Variants in MTCL1 observed in about 807,000 individuals in gnomAD.
The protein encoded by MTCL1 is microtubule cross-linking factor 1.
MTCL1 carries 79 observed loss-of-function variants against 141.4 expected under a neutral mutation model. The ratio of observed to expected loss-of-function variants is 0.56; its 90% CI spans 0.47 to 0.67. The LOEUF is 0.67. Among genes scored for constraint, MTCL1 ranks in the 30% least tolerant of loss-of-function variants. The pLI is 0.00. For missense variants in MTCL1, 2,177 were observed against 2,113.9 expected, an observed-to-expected ratio of 1.03 and a Z score of -0.59; for synonymous variants, 914 against 875.8, an observed-to-expected ratio of 1.04 and a Z score of -0.77.
intron 1 of MTCL1, chr18:8,707,333 C>G (rs1225067086): frequency 6.6e-6 from 1 of 152,348 alleles, no homozygotes; most frequent in African/African-American, 2.4e-5. Context: ...CGGTGTTGCG[C>G]GGGCCAGTCC....
chr18:8,771,463 A>C (rs1342319413), intron 4 of MTCL1, among the ~76,000 whole-genome samples: 1 of 152,208 alleles, frequency 6.6e-6, no homozygotes, highest in South Asian at 2.1e-4. Context: ...ATCAGTCTGC[A>C]TCTACATCCT....
rs548462194 is a variant in MTCL1 at position 8,777,456 on chromosome 18, TC to T, written c.358-375del. Among the ~76,000 whole-genome samples the T allele has an allele frequency of 1.7e-3, 256 of 152,310 alleles. 1 individual carries two copies. Among genetic ancestry groups the T allele is most frequent in the Admixed American group, 2.9e-3 (44 of 15,302 alleles). On this transcript the variant is annotated intron_variant, in intron 4 of 16. Coordinates refer to ENST00000359865, the Ensembl canonical transcript of MTCL1. Reference sequence around the variant, plus strand: ...AACATGATTTGGAACGTGAACCAGCTCCAGAAATATGAGTTATCTGTTTCCC... The same window carrying T: ...AACATGATTTGGAACGTGAACCAGCTCAGAAATATGAGTTATCTGTTTCCC...
chr18:8,799,159 T>C (rs2143942475), intron 10 of MTCL1, among the ~76,000 whole-genome samples: 1 of 152,318 alleles, frequency 6.6e-6, no homozygotes, highest in Non-Finnish European at 1.5e-5. Context: ...ACAGACACTC[T>C]GGGGCACTCC....
intron 12 of MTCL1, among the ~76,000 whole-genome samples, chr18:8,814,362 A>G (rs2076583842): frequency 6.6e-6 from 1 of 152,180 alleles, no homozygotes; most frequent in Non-Finnish European, 1.5e-5. Flanking sequence ...AAAGAAGGAA[A>G]GTACACTGCA....
chr18:8,749,153 T>C (rs570467474), intron 4 of MTCL1, among the ~76,000 whole-genome samples: 2 of 152,350 alleles, frequency 1.3e-5, no homozygotes, highest in East Asian at 1.9e-4. Context: ...TCCTGGGACA[T>C]CCCTTCTTAT....
chr18:8,803,428 G>A (rs2076188711), intron 10 of MTCL1, among the ~76,000 whole-genome samples: 2 of 152,132 alleles, frequency 1.3e-5, no homozygotes, highest in Admixed American at 1.3e-4. Context: ...ACATCCCCTG[G>A]CCATAGGAAG....
chr18:8,730,982 C>T (rs1204081429), intron 4 of MTCL1, among the ~76,000 whole-genome samples: 3 of 152,182 alleles, frequency 2.0e-5, no homozygotes, highest in Non-Finnish European at 4.4e-5. Flanking sequence ...CGGTGGCTCA[C>T]GTCTGTTTTC....
rs186658234 is a variant in MTCL1 at position 8,710,139 on chromosome 18, C to T, written c.1053+3426C>T. 2.4e-4 allele frequency among the ~76,000 whole-genome samples: 36 copies of T among 152,282 alleles called. 2 individuals carry two copies. Among genetic ancestry groups the T allele is most frequent in the Admixed American group, 2.2e-3 (34 of 15,308 alleles). On this transcript the variant is annotated intron_variant, in intron 1 of 13. Transcript: ENST00000306329. ...ACAGGCATGAGCCACCGCGCCCGGC[C>T]TGGCCTGTATTTTTTTAAATAGTCA...
At chr18:8,796,434 T>A (rs747302796) in exon 9 of MTCL1, 12 of 1,614,050 alleles carry the variant, frequency 7.4e-6, no homozygotes, top group Admixed American at 1.7e-5. Context: ...GGGAAGCAGA[T>A]GGAGGAGGAA....
intron 7 of MTCL1, chr18:8,786,481 C>CT (rs2096556341): frequency 5.0e-6 from 2 of 397,732 alleles, no homozygotes; most frequent in Non-Finnish European, 1.0e-5. Flanking sequence ...TAGAGTTCCC[C>CT]TTTTCAGCTC....
Position 8,731,547 on chromosome 18 carries a change from C to A in MTCL1, c.357+11051C>A, listed in dbSNP as rs117165261. Among the ~76,000 whole-genome samples, 1,394 of 152,168 alleles carry A rather than the reference C, an allele frequency of 9.2e-3. 24 individuals carry two copies. The highest frequency in any genetic ancestry group is 0.075 in the South Asian group (362 of 4,808). On this transcript the variant is annotated intron_variant, in intron 4 of 16. Transcript: ENST00000359865. The stretch of plus-strand genomic sequence containing the variant: ...CAAGATCGCGTCATCGCACTCCAGC[C>A]TGGGGGGCAAGAGCGAGACTTCGTC...
chr18:8,807,150 A>G, intron 11 of MTCL1, 90 bp downstream of exon 10: 1 of 1,315,046 alleles, frequency 7.6e-7, no homozygotes, highest in Admixed American at 2.4e-5. Context: ...AGAGATTCAG[A>G]ACCATGGGCT....
chr18:8,788,366 G>A (rs1369965520), intron 7 of MTCL1, among the ~76,000 whole-genome samples: 1 of 152,146 alleles, frequency 6.6e-6, no homozygotes, highest in East Asian at 1.9e-4. Context: ...TGTGGGAGGG[G>A]GCCCAATAGC....
chr18:8,793,000 C>G, exon 8 of MTCL1: 1 of 1,613,888 alleles, frequency 6.2e-7, no homozygotes, highest in Non-Finnish European at 8.5e-7. Context: ...CCGATCAGCT[C>G]AGGGGCCCCC....
intron 4 of MTCL1, among the ~76,000 whole-genome samples, chr18:8,745,386 T>A (rs1253370406): frequency 6.6e-6 from 1 of 152,048 alleles, no homozygotes; most frequent in Non-Finnish European, 1.5e-5. Flanking sequence ...AGAGACGGAG[T>A]CGCACTGTAG....
At chr18:8,734,987 C>G (rs2096268558) in intron 4 of MTCL1, among the ~76,000 whole-genome samples, 1 of 152,168 alleles carries the variant, frequency 6.6e-6, no homozygotes, top group African/African-American at 2.4e-5. Flanking sequence ...GTAGGAGTTT[C>G]CCAAACTGGC....
At chr18:8,786,993 G>T (rs2096558530) in intron 7 of MTCL1, 1 of 155,906 alleles carries the variant, frequency 6.4e-6, no homozygotes, top group Non-Finnish European at 1.4e-5. Context: ...TACAGGAAGT[G>T]CGTCTCCCTT....
chr18:8,784,740 TG>T lies in MTCL1; in HGVS notation c.1629del (p.Leu543PhefsTer14). On this transcript the variant is annotated frameshift_variant, in exon 6 of 17. Coordinates refer to ENST00000359865, the Ensembl canonical transcript of MTCL1. LOFTEE classifies it high-confidence loss of function. The stretch of plus-strand genomic sequence containing the variant: ...CGCATTGGGGATGGCCTATCCCCCT[TG>T]CCCCACCTCACAGAGTCCTCTAGCT... 1 of 1,614,172 alleles carries T rather than the reference TG, an allele frequency of 6.2e-7. No homozygotes were observed. Among genetic ancestry groups the T allele is most frequent in the Non-Finnish European group, 8.5e-7 (1 of 1,180,010 alleles).
Position 8,779,768 on chromosome 18 carries a change from C to T in MTCL1, c.417+1876C>T, listed in dbSNP as rs184281402. On this transcript the variant is annotated intron_variant, in intron 5 of 16. Transcript: ENST00000359865. The surrounding 1 kb of genome is among the most constrained non-coding windows in gnomAD (Gnocchi z 4.1). ...ATGTGTGGTTGTTAAGTAGAAATGACAGCATGCTGTCATGCTGACAGCTTT... is the reference window on the plus strand; with the variant it reads ...ATGTGTGGTTGTTAAGTAGAAATGATAGCATGCTGTCATGCTGACAGCTTT... Among the ~76,000 whole-genome samples, 64 of 152,308 alleles carry T rather than the reference C, an allele frequency of 4.2e-4. No individual in the cohort carries two copies. The highest frequency in any genetic ancestry group is 1.2e-3 in the African/African-American group (50 of 41,566).
Sources: allele counts gnomAD v4.1 joint callset (sites outside exome capture counted in the v4.1 genomes callset), GRCh38; gene constraint gnomAD v4.1.1; non-coding constraint Gnocchi (gnomAD v3.1); transcripts MANE v1.5; gene names NCBI Gene and HGNC (gene_info 2026-07-23, HGNC 2026-07-21).